Variants in NTN4 observed in about 807,000 individuals in gnomAD.
NTN4 encodes the protein netrin-4.
A neutral mutation model predicts 73.6 loss-of-function variants in NTN4; 32 were observed. The ratio of observed to expected loss-of-function variants is 0.44; its 90% CI spans 0.33 to 0.58. NTN4 has a LOEUF of 0.58. Ranked by LOEUF, NTN4 falls within the 20% of genes least tolerant of loss-of-function variation. The probability of loss-of-function intolerance (pLI) is 0.04; values close to 1 mark genes in which losing one functional copy is unlikely to be tolerated. For synonymous variants in NTN4, 258 were observed against 287.5 expected, an observed-to-expected ratio of 0.90 and a Z score of 1.04; for missense variants, 654 against 798.3, an observed-to-expected ratio of 0.82 and a Z score of 2.18.
At chr12:95,741,964 G>A (rs945518700) in intron 2 of NTN4, among the ~76,000 whole-genome samples, 4 of 152,064 alleles carry the variant, frequency 2.6e-5, no homozygotes, top group Non-Finnish European at 4.4e-5. Context: ...CCCTCTGAAT[G>A]AATCATGGAC....
At position 95,659,113 on chromosome 12, in the gene NTN4, C is replaced by T. The variant is rs1303161283; in HGVS notation, c.1860G>A (p.Met620Ile). The change falls in exon 10 of 10, where the codon ATG (methionine) becomes ATA (isoleucine). Residue 620 changes from methionine to isoleucine, a missense_variant. Coordinates refer to ENST00000343702, the MANE Select transcript of NTN4 (RefSeq NM_021229.4). ...ACTTGCACTCTCTTTTTAAAATATC[C>T]ATGACTTTTCTTCCAAGAGAAGGTT... ...HWKPSLGRKVMDILKRECK is the reference protein window; with the variant it reads ...HWKPSLGRKVIDILKRECK 2 of 1,613,274 alleles carry T rather than the reference C, an allele frequency of 1.2e-6. No homozygotes were observed. Among genetic ancestry groups the T allele is most frequent in the Non-Finnish European group, 8.5e-7 (1 of 1,179,810 alleles).
chr12:95,688,255 G>A (rs2078376849), intron 5 of NTN4, among the ~76,000 whole-genome samples: 1 of 152,108 alleles, frequency 6.6e-6, no homozygotes, highest in Non-Finnish European at 1.5e-5. Context: ...AGGTAAGTTT[G>A]GATATGAAAA....
At chr12:95,664,321 G>C (rs1024663607) in intron 9 of NTN4, among the ~76,000 whole-genome samples, 1 of 152,026 alleles carries the variant, frequency 6.6e-6, no homozygotes, top group African/African-American at 2.4e-5. Context: ...GCCTCCTAAA[G>C]TACTGAGATT....
intron 7 of NTN4, chr12:95,673,384 T>G (rs554481345): frequency 8.1e-6 from 2 of 245,948 alleles, no homozygotes; most frequent in East Asian, 2.0e-4. Flanking sequence ...TAAGAACTTG[T>G]GGGGGAGGAA....
chr12:95,717,181 C>G (rs2078612457), intron 3 of NTN4, among the ~76,000 whole-genome samples: 1 of 152,066 alleles, frequency 6.6e-6, no homozygotes, highest in Admixed American at 6.6e-5. Context: ...ACTGTGAGTC[C>G]TCTTCAAAGG....
chr12:95,775,960 A>T (rs1215471096), intron 2 of NTN4, among the ~76,000 whole-genome samples: 1 of 152,164 alleles, frequency 6.6e-6, no homozygotes, highest in East Asian at 1.9e-4. Context: ...CTCTGAGACA[A>T]AACTTCCAGA....
At chr12:95,702,487 T>C (rs940748986) in intron 5 of NTN4, among the ~76,000 whole-genome samples, 4 of 152,146 alleles carry the variant, frequency 2.6e-5, no homozygotes, top group African/African-American at 9.7e-5. Flanking sequence ...CACTTTCCTC[T>C]TGTAAAATGG....
chr12:95,759,401 T>G (rs1189180872), intron 2 of NTN4, among the ~76,000 whole-genome samples: 1 of 152,132 alleles, frequency 6.6e-6, no homozygotes, highest in Non-Finnish European at 1.5e-5. Flanking sequence ...TGTCTGTGAT[T>G]CATTAATAGT....
rs112512041 is a variant in NTN4, at chr12:95,729,865, T to A, written c.864+8001A>T. 2.1e-3 allele frequency among the ~76,000 whole-genome samples: 324 copies of A among 152,254 alleles called. 1 individual carries two copies. The highest frequency in any genetic ancestry group is 7.3e-3 in the African/African-American group (303 of 41,546). On this transcript the variant is annotated intron_variant, in intron 3 of 9. Transcript: ENST00000343702. Reference sequence around the variant, plus strand: ...CGATTTGTGCACCAGAAGTCAGATATCTATCAGTAACCTCAGCTTTTCTCT... The same window carrying A: ...CGATTTGTGCACCAGAAGTCAGATAACTATCAGTAACCTCAGCTTTTCTCT...
chr12:95,697,013 TA>T (rs1018564657), intron 5 of NTN4, among the ~76,000 whole-genome samples: 111 of 143,688 alleles, frequency 7.7e-4, no homozygotes, highest in African/African-American at 1.7e-3. Context: ...CTACAAAAAA[TA>T]AAAAAAAAAA....
At position 95,660,517 on chromosome 12, in the gene NTN4, G is replaced by A. The variant is rs187611877; in HGVS notation, c.1751-1295C>T. On this transcript the variant is annotated intron_variant, in intron 9 of 9. Transcript: ENST00000343702. ...TGTGATGACCTTGTATTCAAAATTC[G>A]TTTCAAGCTTTAGATAACAAATTTT... Among the ~76,000 whole-genome samples the A allele has an allele frequency of 1.7e-3, 261 of 151,492 alleles. 2 individuals are homozygous for A. The highest frequency in any genetic ancestry group is 6.8e-3 in the Middle Eastern group (2 of 292).
At chr12:95,676,547 T>C (rs2078274784) in intron 7 of NTN4, among the ~76,000 whole-genome samples, 1 of 152,010 alleles carries the variant, frequency 6.6e-6, no homozygotes, top group Non-Finnish European at 1.5e-5. Flanking sequence ...ATACTACATA[T>C]AAAGGCCAAT....
At chr12:95,669,461 T>C (rs1453093460) in intron 8 of NTN4, among the ~76,000 whole-genome samples, 1 of 152,004 alleles carries the variant, frequency 6.6e-6, no homozygotes, top group African/African-American at 2.4e-5. Flanking sequence ...AGACATCATC[T>C]CCCTCCCCCT....
intron 5 of NTN4, among the ~76,000 whole-genome samples, chr12:95,686,467 G>A (rs1242073550): frequency 6.6e-6 from 1 of 152,058 alleles, no homozygotes; most frequent in East Asian, 1.9e-4. Flanking sequence ...AGTTGAAAAG[G>A]AGGGCAAGGG....
At chr12:95,727,201 T>C (rs968217954) in intron 3 of NTN4, among the ~76,000 whole-genome samples, 1 of 152,222 alleles carries the variant, frequency 6.6e-6, no homozygotes, top group Non-Finnish European at 1.5e-5. Context: ...TATGTGCTTA[T>C]TGGCCATTTG....
intron 3 of NTN4, among the ~76,000 whole-genome samples, chr12:95,721,548 A>C (rs2078647860): frequency 6.6e-6 from 1 of 152,196 alleles, no homozygotes. Context: ...TTACAAACAG[A>C]GATGACAGCA....
chr12:95,744,201 C>T (rs977145595), intron 2 of NTN4, among the ~76,000 whole-genome samples: 7 of 151,854 alleles, frequency 4.6e-5, no homozygotes, highest in Middle Eastern at 3.2e-3. Flanking sequence ...CGTGCCCCGC[C>T]AACATGGAGG....
At chr12:95,737,714 T>A (rs2078788375) in intron 3 of NTN4, 152 bp downstream of exon 3, 2 of 677,142 alleles carry the variant, frequency 3.0e-6, no homozygotes, top group South Asian at 4.3e-5. Flanking sequence ...AAAGACAAGT[T>A]AACAGGCACT....
rs879865238 is a variant in NTN4, at chr12:95,735,952, T to TA, written c.864+1913_864+1914insT. Among the ~76,000 whole-genome samples, 91 of 149,370 alleles carry TA rather than the reference T, an allele frequency of 6.1e-4. 1 individual carries two copies. In the South Asian group the frequency reaches 9.5e-3, roughly 16 times the overall value. On this transcript the variant is annotated intron_variant, in intron 3 of 9. Transcript: ENST00000343702. ...TTATTTATTTATTTATTTATTTATTTTTTTGAGACAGAGTCTTGCTTTGTC... is the reference window on the plus strand; with the variant it reads ...TTATTTATTTATTTATTTATTTATTTATTTTGAGACAGAGTCTTGCTTTGTC...
Sources: allele counts gnomAD v4.1 joint callset (sites outside exome capture counted in the v4.1 genomes callset), GRCh38; gene constraint gnomAD v4.1.1; transcripts MANE v1.5; gene names NCBI Gene and HGNC (gene_info 2026-07-23, HGNC 2026-07-21).